The following TRIM5 variants were observed in gnomAD, a reference collection of about 807,000 sequenced individuals.
The protein encoded by TRIM5 is tripartite motif containing 5.
In TRIM5, 31 loss-of-function variants were observed where a neutral mutation model predicts 35.6. The ratio of observed to expected loss-of-function variants is 0.87; its 90% CI spans 0.65 to 1.18. The LOEUF is 1.18. Among genes scored for constraint, TRIM5 ranks in the 50% most tolerant of loss-of-function variants. The pLI is 0.00. For synonymous variants in TRIM5, 243 were observed against 215.6 expected (o/e 1.13, Z -1.11); for missense variants, 609 against 591.6 (o/e 1.03, Z -0.31).
chr11:5,636,217 C>T, the TRIM5 span, among the ~76,000 whole-genome samples: 1 of 152,126 alleles, frequency 6.6e-6, no homozygotes, highest in African/African-American at 2.4e-5. Context: ...ATTAATAATA[C>T]ATGCTATGAC....
rs1465967219 is a variant in TRIM5, at chr11:5,680,258, A to C, written c.-61-20T>G. On this transcript the variant is annotated intron_variant, in intron 1 of 7. Coordinates refer to ENST00000380034, the MANE Select transcript of TRIM5 (RefSeq NM_033034.3). ...AGATCCCTGCATGATTGGGAAGGTT[A>C]AAATGGGACCAAGTAAGAAAGGTAG... is the stretch of plus-strand genomic sequence containing the variant. 29 of 1,372,924 alleles carry C rather than the reference A, an allele frequency of 2.1e-5. No individual in the cohort carries two copies. Among genetic ancestry groups the C allele is most frequent in the Non-Finnish European group, 5.9e-6 (6 of 1,021,490 alleles). 85.0% of individuals were successfully genotyped at this position (1,372,924 alleles called of 1,614,324 possible).
Position 5,665,309 on chromosome 11 carries a change from T to C in TRIM5, c.982A>G (p.Ile328Val), listed in dbSNP as rs1851047029. The change falls in exon 8 of 8, where the codon ATA becomes GTA. Residue 328 changes from isoleucine to valine, a missense_variant. Physicochemically the swap from Ile to Val is conservative, Grantham distance 29. Coordinates refer to ENST00000380034, the MANE Select transcript of TRIM5 (RefSeq NM_033034.3). ...RQVSSPKPQI[I>V]YGARGTRYQT... Reference sequence around the variant, plus strand: ...TATCTTGTCCCTCGTGCCCCATATATTATCTGTGGTTTCGGAGAGCTCACT... The same window carrying C: ...TATCTTGTCCCTCGTGCCCCATATACTATCTGTGGTTTCGGAGAGCTCACT... 6.2e-7 allele frequency: 1 copy of C among 1,614,166 alleles called. No individual in the cohort carries two copies.
rs1852291932 is a variant in TRIM5, at chr11:5,679,862, A to G, written c.316T>C (p.Cys106Arg). ...ARHGEKLLLF[C>R]QEDGKVICWL... ...CAAATGACCTTCCCGTCCTCCTGACAGAAGAGTAGAAGTTTCTCTCCATGG... is the reference window on the plus strand; with the variant it reads ...CAAATGACCTTCCCGTCCTCCTGACGGAAGAGTAGAAGTTTCTCTCCATGG... Residue 106 changes from cysteine to arginine, a missense_variant, in exon 2 of 8, where the codon TGT becomes CGT. Coordinates refer to ENST00000380034, the MANE Select transcript of TRIM5 (RefSeq NM_033034.3). 1 of 1,613,890 alleles carries G rather than the reference A, an allele frequency of 6.2e-7. No individual in the cohort carries two copies.
the TRIM5 span, among the ~76,000 whole-genome samples, chr11:5,615,054 A>AT: frequency 6.6e-6 from 1 of 152,114 alleles, no homozygotes; most frequent in African/African-American, 2.4e-5. Flanking sequence ...TTAAAATTAT[A>AT]TTTTTTCCCA....
downstream of TRIM5, among the ~76,000 whole-genome samples, chr11:5,661,231 GA>G (rs1344346505): frequency 3.3e-5 from 5 of 151,996 alleles, no homozygotes; most frequent in African/African-American, 9.6e-5. Context: ...AATGTCCAAA[GA>G]AAAAAACCAA....
the TRIM5 span, among the ~76,000 whole-genome samples, chr11:5,624,267 A>C: frequency 6.6e-6 from 1 of 152,194 alleles, no homozygotes; most frequent in Non-Finnish European, 1.5e-5. Context: ...GTTATATGCA[A>C]TAATATGCAC....
At chr11:5,657,967 C>T in the TRIM5 span, among the ~76,000 whole-genome samples, 2 of 151,806 alleles carry the variant, frequency 1.3e-5, no homozygotes, top group African/African-American at 4.8e-5. Context: ...AGAATGACAG[C>T]TGCTAATTAT....
At chr11:5,617,403 T>G in the TRIM5 span, among the ~76,000 whole-genome samples, 1 of 144,610 alleles carries the variant, frequency 6.9e-6, no homozygotes, top group East Asian at 2.2e-4. Flanking sequence ...CTGAGGGTAC[T>G]TGTATGAAGA....
At chr11:5,610,629 A>G in the TRIM5 span, 723 of 1,583,740 alleles carry the variant, frequency 4.6e-4, 5 homozygotes, top group African/African-American at 8.8e-3. Context: ...CTCCCCAGAC[A>G]TAGCCACACA....
At chr11:5,605,219 C>T in the TRIM5 span, 2 of 1,352,524 alleles carry the variant, frequency 1.5e-6, no homozygotes, top group Non-Finnish European at 2.1e-6. Context: ...ATTTACCCTC[C>T]CTCTCCCTGG....
intron 4 of TRIM5, among the ~76,000 whole-genome samples, chr11:5,668,027 GA>G (rs1253425360): frequency 6.6e-6 from 1 of 152,174 alleles, no homozygotes; most frequent in Non-Finnish European, 1.5e-5. Flanking sequence ...TCCATGAAAT[GA>G]TTTAAATAAT....
the TRIM5 span, chr11:5,610,334 C>A: frequency 6.3e-7 from 1 of 1,591,084 alleles, no homozygotes; most frequent in Non-Finnish European, 8.6e-7. Context: ...GGTATTTGAG[C>A]ATAGTGGCAA....
At chr11:5,678,788 T>C (rs1852195613) in intron 3 of TRIM5, among the ~76,000 whole-genome samples, 1 of 152,146 alleles carries the variant, frequency 6.6e-6, no homozygotes, top group African/African-American at 2.4e-5. Flanking sequence ...CATTGCCAAA[T>C]GTCTTCCCCA....
chr11:5,617,622 G>A, the TRIM5 span, among the ~76,000 whole-genome samples: 40,535 of 140,656 alleles, frequency 0.29, 9,673 homozygotes, highest in East Asian at 0.64. Context: ...CCGAGTAGCT[G>A]GGATTACAGG....
At chr11:5,614,753 T>TCTAA in the TRIM5 span, among the ~76,000 whole-genome samples, 13 of 152,324 alleles carry the variant, frequency 8.5e-5, no homozygotes, top group Non-Finnish European at 1.9e-4. Context: ...TAAGTTTGAT[T>TCTAA]CTAACTTAAA....
the TRIM5 span, among the ~76,000 whole-genome samples, chr11:5,608,109 T>G: frequency 6.6e-6 from 1 of 152,226 alleles, no homozygotes; most frequent in Non-Finnish European, 1.5e-5. Flanking sequence ...ATACATGCTA[T>G]ACATACATAA....
chr11:5,662,142 T>C (rs1213245556), downstream of TRIM5, among the ~76,000 whole-genome samples: 1 of 152,196 alleles, frequency 6.6e-6, no homozygotes, highest in Non-Finnish European at 1.5e-5. Flanking sequence ...TGCACACACA[T>C]AGTTACTGAA....
At chr11:5,636,052 T>G in the TRIM5 span, among the ~76,000 whole-genome samples, 1 of 152,216 alleles carries the variant, frequency 6.6e-6, no homozygotes, top group Non-Finnish European at 1.5e-5. Context: ...CTAGAAGAAC[T>G]GAATACATAT....
At chr11:5,598,219 C>T in the TRIM5 span, among the ~76,000 whole-genome samples, 1 of 152,184 alleles carries the variant, frequency 6.6e-6, no homozygotes, top group Non-Finnish European at 1.5e-5. Flanking sequence ...TCCCATATCT[C>T]CCTTGGGCTG....
Sources: allele counts gnomAD v4.1 joint callset (sites outside exome capture counted in the v4.1 genomes callset), GRCh38; gene constraint gnomAD v4.1.1; transcripts MANE v1.5; gene names NCBI Gene and HGNC (gene_info 2026-07-23, HGNC 2026-07-21).